RBFOX1: variants seen among roughly 807,000 people sequenced by gnomAD.
RBFOX1 encodes the protein RNA binding fox-1 homolog 1, also known as RNA binding protein fox-1 homolog 1.
RBFOX1 carries 8 observed loss-of-function variants against 57.7 expected under a neutral mutation model. The observed-to-expected ratio is 0.14, with a 90% CI of 0.08 to 0.25. RBFOX1 has a LOEUF of 0.25. Ranked by LOEUF, RBFOX1 falls within the 10% of genes least tolerant of loss-of-function variation. The pLI, the probability that RBFOX1 is intolerant of heterozygous loss-of-function variation, is 1.00. For missense variants in RBFOX1, 611 were observed against 548.5 expected (o/e 1.11, Z -1.14); for synonymous variants, 326 against 222.4 (o/e 1.47, Z -4.15).
Position 6,477,388 on chromosome 16 carries a change from A to C in RBFOX1, c.-64+160331A>C, listed in dbSNP as rs540075708. ...CTGCAGGAACCTATATTGCATTAAC[A>C]GGCACGAACAGAACACTTATGTCCT... On this transcript the variant is annotated intron_variant, in intron 2 of 15. Transcript: ENST00000550418. Among the ~76,000 whole-genome samples, 19 of 152,356 alleles carry C rather than the reference A, an allele frequency of 1.2e-4. No individual in the cohort carries two copies. The East Asian group carries it at 3.7e-3, about 29-fold the overall frequency.
At chr16:6,412,746 C>T (rs990412105) in intron 2 of RBFOX1, among the ~76,000 whole-genome samples, 5 of 152,166 alleles carry the variant, frequency 3.3e-5, no homozygotes, top group African/African-American at 4.8e-5. Context: ...GAAGCACTTA[C>T]TTAGTTGTCT....
intron 14 of RBFOX1, among the ~76,000 whole-genome samples, chr16:7,705,386 T>C (rs1487945189): frequency 6.6e-6 from 1 of 152,028 alleles, no homozygotes; most frequent in Non-Finnish European, 1.5e-5. Flanking sequence ...GTACCTGTAG[T>C]CCCAGCTATT....
chr16:7,271,833 A>G (rs1468992279), intron 4 of RBFOX1, among the ~76,000 whole-genome samples: 1 of 151,936 alleles, frequency 6.6e-6, no homozygotes, highest in Non-Finnish European at 1.5e-5. Context: ...AAAAAAAAAA[A>G]TCTCAAAGCT....
At chr16:6,357,670 C>T (rs1476228848) in intron 2 of RBFOX1, among the ~76,000 whole-genome samples, 3 of 152,066 alleles carry the variant, frequency 2.0e-5, no homozygotes, top group African/African-American at 4.8e-5. Context: ...GAGCTGGACA[C>T]AGATGCAGTG....
chr16:7,091,885 G>T (rs182900616), intron 4 of RBFOX1, among the ~76,000 whole-genome samples: 1 of 152,212 alleles, frequency 6.6e-6, no homozygotes, highest in African/African-American at 2.4e-5. Context: ...ATATAGAGTT[G>T]CTTTATTGTC....
intron 2 of RBFOX1, among the ~76,000 whole-genome samples, chr16:6,465,066 T>C (rs1389800334): frequency 6.6e-6 from 1 of 152,242 alleles, no homozygotes; most frequent in Non-Finnish European, 1.5e-5. Context: ...ACAGTATATA[T>C]AAGCCCTGAA....
At chr16:6,101,237 C>T (rs918172982) in intron 1 of RBFOX1, among the ~76,000 whole-genome samples, 1 of 152,190 alleles carries the variant, frequency 6.6e-6, no homozygotes, top group Non-Finnish European at 1.5e-5. Context: ...CCTTCTCTGT[C>T]CTCAAAACAG....
intron 3 of RBFOX1, among the ~76,000 whole-genome samples, chr16:6,815,913 G>T (rs184466146): frequency 5.1e-4 from 77 of 152,344 alleles, no homozygotes; most frequent in African/African-American, 1.8e-3. Context: ...CTGAAGGAAA[G>T]AAAGGACTGT....
rs1255430430 is a variant in RBFOX1 at position 7,034,841 on chromosome 16, C to CTTTTTTTTTTTTT, written c.-15-17210_-15-17209insTTTTTTTTTTTTT. Among the ~76,000 whole-genome samples, 147 of 39,098 alleles carry CTTTTTTTTTTTTT rather than the reference C, an allele frequency of 3.8e-3. 19 individuals carry two copies. Among genetic ancestry groups the CTTTTTTTTTTTTT allele is most frequent in the Non-Finnish European group, 4.1e-3 (91 of 22,462 alleles). 25.6% of individuals were successfully genotyped at this position (39,098 alleles called of 152,430 possible). A position where few individuals can be genotyped will look rare whatever the true frequency, so the allele number is the denominator to read the frequency against. ...ATATTGCATTACTTTTTTTTTTTTTCTTTTTTCTTTTTTTTTTTTTTTTTT... is the reference window on the plus strand; with the variant it reads ...ATATTGCATTACTTTTTTTTTTTTTCTTTTTTTTTTTTTTTTTTTCTTTTTTTTTTTTTTTTTT... On this transcript the variant is annotated intron_variant, in intron 3 of 15. Transcript: ENST00000550418.
Position 7,120,259 on chromosome 16 carries a change from A to G in RBFOX1, c.27+68161A>G, listed in dbSNP as rs183577737. ...AGAACGTTCTCAAATCAACAATGTA[A>G]GTGCATATCATAAGAGACTATTAAA... On this transcript the variant is annotated intron_variant, in intron 4 of 15. Transcript: ENST00000550418. 2.8e-3 allele frequency among the ~76,000 whole-genome samples: 429 copies of G among 151,240 alleles called. 1 individual carries two copies. Among genetic ancestry groups the G allele is most frequent in the African/African-American group, 9.5e-3 (389 of 40,990 alleles).
chr16:6,855,630 G>A (rs1422236162), intron 3 of RBFOX1, among the ~76,000 whole-genome samples: 4 of 145,456 alleles, frequency 2.7e-5, no homozygotes, highest in African/African-American at 1.1e-4. Flanking sequence ...TCCAGCCTGG[G>A]CAACAGAGTG....
At chr16:5,538,168 G>T (rs1222387562) in intron 2 of RBFOX1, among the ~76,000 whole-genome samples, 4 of 152,198 alleles carry the variant, frequency 2.6e-5, no homozygotes, top group Non-Finnish European at 4.4e-5. Context: ...TAGGGGGAGG[G>T]TGTGGAGATG....
chr16:7,171,948 C>T (rs972648603), intron 4 of RBFOX1, among the ~76,000 whole-genome samples: 1 of 152,150 alleles, frequency 6.6e-6, no homozygotes, highest in Non-Finnish European at 1.5e-5. Context: ...GAGATGTGGG[C>T]ACGGGGTCTG....
At chr16:5,241,209 C>G (rs1180412934) in intron 1 of RBFOX1, among the ~76,000 whole-genome samples, 1 of 152,184 alleles carries the variant, frequency 6.6e-6, no homozygotes, top group African/African-American at 2.4e-5. Flanking sequence ...GGGAGGCTTG[C>G]TCCTGGTGAC....
chr16:5,744,826 C>T (rs887883018), intron 3 of RBFOX1, among the ~76,000 whole-genome samples: 5 of 152,130 alleles, frequency 3.3e-5, no homozygotes, highest in Admixed American at 1.3e-4. Context: ...GGTGCGATCT[C>T]AGCTCACTGC....
rs544222561 is a variant in RBFOX1, at chr16:7,518,432, C to T, written c.270+43C>T. ...CTACGGGTGGGAGGTTATGGGGAGG[C>T]GCCCCCAGCCCTGGTAATGGCAGCG... On this transcript the variant is annotated intron_variant, in intron 5 of 15. Coordinates refer to ENST00000550418, the MANE Select transcript of RBFOX1 (RefSeq NM_018723.4). The T allele has an allele frequency of 5.2e-4, 816 of 1,566,172 alleles. 7 individuals carry two copies. The South Asian group carries it at 8.1e-3, about 16-fold the overall frequency.
chr16:5,241,095 G>A (rs1281669538), intron 1 of RBFOX1, among the ~76,000 whole-genome samples: 1 of 152,226 alleles, frequency 6.6e-6, no homozygotes, highest in Admixed American at 6.5e-5. Context: ...AGAGAGGGCG[G>A]CCTTCATTCT....
chr16:6,782,914 A>C (rs978218545), intron 3 of RBFOX1, among the ~76,000 whole-genome samples: 1 of 152,084 alleles, frequency 6.6e-6, no homozygotes, highest in Non-Finnish European at 1.5e-5. Context: ...TGAGTGATCC[A>C]GCATTAGGTT....
At chr16:5,659,303 C>CTTT (rs779525957) in intron 3 of RBFOX1, among the ~76,000 whole-genome samples, 6 of 129,000 alleles carry the variant, frequency 4.7e-5, no homozygotes, top group South Asian at 2.5e-4. Flanking sequence ...ATTGGTATAT[C>CTTT]TTTTTTTTTT....
Sources: allele counts gnomAD v4.1 joint callset (sites outside exome capture counted in the v4.1 genomes callset), GRCh38; gene constraint gnomAD v4.1.1; transcripts MANE v1.5; gene names NCBI Gene and HGNC (gene_info 2026-07-23, HGNC 2026-07-21).